The following PABPC4L variants were observed in gnomAD, a reference collection of about 807,000 sequenced individuals.
PABPC4L encodes the protein polyadenylate-binding protein 4-like.
For missense variants in PABPC4L, 452 were observed against 451.4 expected, an observed-to-expected ratio of 1.00 and a Z score of -0.01; for synonymous variants, 169 against 164.1, an observed-to-expected ratio of 1.03 and a Z score of -0.23.
chr4:133,964,006 A>C, the PABPC4L span, among the ~76,000 whole-genome samples: 16 of 152,118 alleles, frequency 1.1e-4, no homozygotes, highest in East Asian at 3.1e-3. Flanking sequence ...GAAACAAAAA[A>C]ATATACAAAA....
the PABPC4L span, among the ~76,000 whole-genome samples, chr4:134,024,743 G>T: frequency 4.3e-5 from 2 of 47,028 alleles, no homozygotes; most frequent in Admixed American, 2.4e-4. Flanking sequence ...TTTTTTAAAA[G>T]ATTTTTTTTA....
At chr4:134,081,310 A>C in the PABPC4L span, among the ~76,000 whole-genome samples, 1 of 152,154 alleles carries the variant, frequency 6.6e-6, no homozygotes, top group Admixed American at 6.6e-5. Flanking sequence ...GAATTTCCAC[A>C]AGAGTGCCCC....
chr4:134,164,262 CAAAAAAAAAAA>C, the PABPC4L span, among the ~76,000 whole-genome samples: 25 of 34,178 alleles, frequency 7.3e-4, no homozygotes, highest in African/African-American at 1.6e-3. Context: ...GACTCCGTCT[CAAAAAAAAAAA>C]AAAAAAAAAA....
downstream of PABPC4L, among the ~76,000 whole-genome samples, chr4:134,195,895 T>C (rs1216032454): frequency 2.0e-5 from 3 of 151,674 alleles, no homozygotes. Context: ...GAGATACATA[T>C]ATGTCAAAAG....
At chr4:134,037,632 T>C in the PABPC4L span, among the ~76,000 whole-genome samples, 4 of 152,194 alleles carry the variant, frequency 2.6e-5, no homozygotes, top group East Asian at 1.9e-4. Context: ...AAAGAAGATA[T>C]ACAAATGGTT....
the PABPC4L span, among the ~76,000 whole-genome samples, chr4:133,973,255 A>C: frequency 6.6e-6 from 1 of 151,712 alleles, no homozygotes; most frequent in African/African-American, 2.4e-5. Context: ...TCTAAAAACA[A>C]ACAAAGAAAA....
the PABPC4L span, among the ~76,000 whole-genome samples, chr4:134,106,738 G>T: frequency 1.1e-4 from 17 of 151,286 alleles, no homozygotes; most frequent in East Asian, 1.8e-3. Flanking sequence ...GTGATGAGTC[G>T]CATGCACTGA....
chr4:134,103,986 CT>C, the PABPC4L span, among the ~76,000 whole-genome samples: 5 of 151,650 alleles, frequency 3.3e-5, no homozygotes, highest in Admixed American at 6.6e-5. Context: ...CATTCATTTG[CT>C]TTGATTAAAT....
chr4:134,036,060 T>G, the PABPC4L span, among the ~76,000 whole-genome samples: 1 of 152,034 alleles, frequency 6.6e-6, no homozygotes, highest in South Asian at 2.1e-4. Flanking sequence ...ACGAGGATTT[T>G]AATTCAAGAT....
At chr4:134,074,950 AC>A in the PABPC4L span, among the ~76,000 whole-genome samples, 1 of 152,162 alleles carries the variant, frequency 6.6e-6, no homozygotes, top group South Asian at 2.1e-4. Context: ...TTGGGTGGGG[AC>A]ACAACCAAGC....
the PABPC4L span, among the ~76,000 whole-genome samples, chr4:134,162,972 A>G: frequency 6.6e-6 from 1 of 152,130 alleles, no homozygotes; most frequent in Non-Finnish European, 1.5e-5. Flanking sequence ...AAACAATAAC[A>G]AACCATATTC....
chr4:134,184,394 C>A, the PABPC4L span, among the ~76,000 whole-genome samples: 1 of 151,896 alleles, frequency 6.6e-6, no homozygotes, highest in African/African-American at 2.4e-5. Context: ...GAAAGACAAG[C>A]AACAGACTGG....
the PABPC4L span, among the ~76,000 whole-genome samples, chr4:134,170,118 TA>T: frequency 6.6e-6 from 1 of 152,158 alleles, no homozygotes; most frequent in East Asian, 1.9e-4. Flanking sequence ...AGCTCCCACT[TA>T]TAAGTGAGAA....
the PABPC4L span, among the ~76,000 whole-genome samples, chr4:133,956,078 C>G: frequency 6.6e-6 from 1 of 152,082 alleles, no homozygotes; most frequent in African/African-American, 2.4e-5. Context: ...TGAGGGATTT[C>G]AACATTCAAA....
At chr4:134,150,102 A>G in the PABPC4L span, among the ~76,000 whole-genome samples, 1 of 125,066 alleles carries the variant, frequency 8.0e-6, no homozygotes, top group African/African-American at 3.3e-5. Context: ...TTTTTTTTTG[A>G]GACAGAGTCT....
chr4:134,002,692 A>T, the PABPC4L span, among the ~76,000 whole-genome samples: 1 of 152,104 alleles, frequency 6.6e-6, no homozygotes, highest in Admixed American at 6.6e-5. Context: ...GTTTAATACA[A>T]ATGATTTCTT....
the PABPC4L span, among the ~76,000 whole-genome samples, chr4:134,090,672 A>C: frequency 1.8e-3 from 267 of 152,112 alleles, 1 homozygote; most frequent in Non-Finnish European, 1.3e-3. Flanking sequence ...CTGAGACAAA[A>C]GGATTGCCTG....
the PABPC4L span, among the ~76,000 whole-genome samples, chr4:134,148,922 G>C: frequency 6.6e-6 from 1 of 151,868 alleles, no homozygotes; most frequent in Non-Finnish European, 1.5e-5. Context: ...TCATAACAAA[G>C]ACCTAGAAGA....
At chr4:134,039,597 A>G in the PABPC4L span, among the ~76,000 whole-genome samples, 1 of 151,664 alleles carries the variant, frequency 6.6e-6, no homozygotes, top group African/African-American at 2.4e-5. Flanking sequence ...GTGTCTTTTG[A>G]TCTTTGTTGG....
Sources: gnomAD v4.1 joint callset for allele counts (sites outside exome capture counted in the v4.1 genomes callset) on GRCh38, gnomAD v4.1.1 for gene constraint, MANE v1.5 for transcripts, NCBI Gene and HGNC (gene_info 2026-07-23, HGNC 2026-07-21) for gene names.